CDC42BPA: variants seen among roughly 807,000 people sequenced by gnomAD.
CDC42BPA encodes the protein serine/threonine-protein kinase MRCK alpha.
A neutral mutation model predicts 223.5 loss-of-function variants in CDC42BPA; 80 were observed. The ratio of observed to expected loss-of-function variants is 0.36; its 90% CI spans 0.30 to 0.43. The LOEUF is 0.43. Ranked by LOEUF, CDC42BPA falls within the 20% of genes least tolerant of loss-of-function variation. The pLI, the probability that CDC42BPA is intolerant of heterozygous loss-of-function variation, is 1.00. For synonymous variants in CDC42BPA, 694 were observed against 718.6 expected (o/e 0.97, Z 0.55); for missense variants, 1,743 against 2,099.9 (o/e 0.83, Z 3.32).
In CDC42BPA at chr1:226,991,105, T is replaced by C. The variant is rs1277985962; in HGVS notation, c.*3163A>G. On this transcript the variant is annotated 3_prime_UTR_variant, in exon 37 of 37. Coordinates refer to ENST00000366766, the MANE Select transcript of CDC42BPA (RefSeq NM_001394014.1). ...TTGGCAAAAAGAATATATATGTATG[T>C]AATTTTAAATACCCAAAGCACAAAC... 1 of 152,626 alleles carries C rather than the reference T, an allele frequency of 6.6e-6. No homozygotes were observed. The highest frequency in any genetic ancestry group is 1.5e-5 in the Non-Finnish European group (1 of 68,036). 9.5% of individuals were successfully genotyped at this position (152,626 alleles called of 1,614,324 possible).
chr1:227,125,883 TTTAAA>T (rs1391813480), intron 11 of CDC42BPA, among the ~76,000 whole-genome samples: 1 of 152,178 alleles, frequency 6.6e-6, no homozygotes, highest in Non-Finnish European at 1.5e-5. Flanking sequence ...TTAATTTTAC[TTTAAA>T]ATAAATCATA....
chr1:227,080,304 AT>A (rs34693993), intron 17 of CDC42BPA, among the ~76,000 whole-genome samples: 7 of 152,210 alleles, frequency 4.6e-5, no homozygotes, highest in Admixed American at 2.6e-4. Flanking sequence ...AAAATATGAA[AT>A]TTTTTTACCA....
chr1:227,313,443 C>T (rs1472947660), intron 1 of CDC42BPA, among the ~76,000 whole-genome samples: 1 of 152,132 alleles, frequency 6.6e-6, no homozygotes, highest in Non-Finnish European at 1.5e-5. Flanking sequence ...ATTGAACACA[C>T]TTCTACCATG....
chr1:227,310,847 C>T (rs1042196869), intron 1 of CDC42BPA, among the ~76,000 whole-genome samples: 21 of 136,810 alleles, frequency 1.5e-4, no homozygotes, highest in African/African-American at 1.4e-4. Flanking sequence ...TCACCGCGCC[C>T]GGCTAATTTT....
At position 227,048,146 on chromosome 1, in the gene CDC42BPA, A is replaced by G. The variant is rs377617549; in HGVS notation, c.3010-136T>C. ...GTTCTACTAATTAATAATAAAGAAA[A>G]CCTCAATAAAGCTAAAATTCTCATA... On this transcript the variant is annotated intron_variant, in intron 22 of 36. Transcript: ENST00000366766. 522 of 472,686 alleles carry G rather than the reference A, an allele frequency of 1.1e-3. 9 individuals are homozygous for G. In the South Asian group the frequency reaches 0.021, roughly 19 times the overall value. 29.3% of individuals were successfully genotyped at this position (472,686 alleles called of 1,614,324 possible).
chr1:227,009,734 T>C (rs1001292317), intron 34 of CDC42BPA, among the ~76,000 whole-genome samples: 3 of 152,150 alleles, frequency 2.0e-5, no homozygotes, highest in African/African-American at 7.2e-5. Context: ...CTGATTAACA[T>C]ATACAAAATT....
intron 16 of CDC42BPA, among the ~76,000 whole-genome samples, chr1:227,081,598 G>C (rs1367000488): frequency 1.3e-5 from 2 of 151,646 alleles, no homozygotes; most frequent in East Asian, 3.9e-4. Flanking sequence ...GATTACAGAT[G>C]TGCGCCATCA....
intron 12 of CDC42BPA, among the ~76,000 whole-genome samples, chr1:227,114,336 T>C (rs1687436921): frequency 1.3e-5 from 2 of 151,276 alleles, no homozygotes; most frequent in South Asian, 4.2e-4. Flanking sequence ...TATGAGAAGA[T>C]AATTAAAATT....
At chr1:227,025,063 T>G (rs1668014509) in intron 31 of CDC42BPA, among the ~76,000 whole-genome samples, 1 of 152,104 alleles carries the variant, frequency 6.6e-6, no homozygotes, top group Non-Finnish European at 1.5e-5. Context: ...GCCAACATGG[T>G]GAAACCCTGT....
At chr1:227,035,331 C>T in intron 25 of CDC42BPA, 140 bp downstream of exon 25, 1 of 629,334 alleles carries the variant, frequency 1.6e-6, no homozygotes, top group Non-Finnish European at 2.6e-6. Flanking sequence ...AATCATTATT[C>T]TAGATGAAAT....
chr1:227,220,323 C>T (rs1572445699), intron 2 of CDC42BPA, among the ~76,000 whole-genome samples: 2 of 133,400 alleles, frequency 1.5e-5, no homozygotes, highest in Non-Finnish European at 3.2e-5. Flanking sequence ...CACACACACA[C>T]ACACATACAT....
chr1:227,318,153 C>CAGGG lies in CDC42BPA; in HGVS notation c.-972_-971insCCCT, dbSNP rs1553449062. 1.2e-5 allele frequency: 2 copies of CAGGG among 166,232 alleles called. No individual in the cohort carries two copies. Among genetic ancestry groups the CAGGG allele is most frequent in the Admixed American group, 6.4e-5 (1 of 15,596 alleles). The allele number at this position is 166,232 out of a possible 1,614,324, so 10.3% of individuals were successfully genotyped here. ...CGCCGGAGGCTCCCGACGCCCCAGGCGGGGGGGTGCTTCTCTGAATTCAAA... is the reference window on the plus strand; with the variant it reads ...CGCCGGAGGCTCCCGACGCCCCAGGCAGGGGGGGGGGTGCTTCTCTGAATTCAAA... On this transcript the variant is annotated 5_prime_UTR_variant, in exon 1 of 37. Transcript: ENST00000366766.
chr1:227,268,821 G>A (rs997382175), intron 1 of CDC42BPA, among the ~76,000 whole-genome samples: 3 of 151,538 alleles, frequency 2.0e-5, no homozygotes, highest in African/African-American at 7.3e-5. Flanking sequence ...AAGTAGCTGC[G>A]ACTACAGGCA....
At chr1:227,009,366 G>A (rs187995780) in intron 34 of CDC42BPA, among the ~76,000 whole-genome samples, 1 of 152,208 alleles carries the variant, frequency 6.6e-6, no homozygotes, top group East Asian at 1.9e-4. Context: ...AGTTATAGAT[G>A]ACTAACTAAA....
chr1:227,248,383 A>T (rs1403867060), intron 2 of CDC42BPA, among the ~76,000 whole-genome samples: 1 of 151,954 alleles, frequency 6.6e-6, no homozygotes, highest in Non-Finnish European at 1.5e-5. Flanking sequence ...ACACAAAAAA[A>T]CTTATTCAAA....
chr1:227,275,409 A>T (rs1686761268), intron 1 of CDC42BPA, among the ~76,000 whole-genome samples: 1 of 148,704 alleles, frequency 6.7e-6, no homozygotes. Context: ...GATGGAAAAG[A>T]GAAAAGTAAA....
At chr1:227,194,034 C>T (rs1044609194) in intron 4 of CDC42BPA, 100 bp from the exon 5 acceptor site, 1 of 653,030 alleles carries the variant, frequency 1.5e-6, no homozygotes, top group Non-Finnish European at 2.5e-6. Context: ...AATATTTATG[C>T]AGTTAATTAC....
chr1:227,026,593 T>C (rs959154559), intron 30 of CDC42BPA, among the ~76,000 whole-genome samples: 23 of 152,220 alleles, frequency 1.5e-4, no homozygotes, highest in Admixed American at 1.1e-3. Context: ...ATAGGGTAGA[T>C]GCTCAATATA....
chr1:227,138,599 G>A (rs1659101300), intron 10 of CDC42BPA, among the ~76,000 whole-genome samples: 1 of 151,698 alleles, frequency 6.6e-6, no homozygotes, highest in African/African-American at 2.4e-5. Flanking sequence ...AGGTTAAAAG[G>A]TGAAGACAGA....
Sources: allele counts gnomAD v4.1 joint callset (sites outside exome capture counted in the v4.1 genomes callset), GRCh38; gene constraint gnomAD v4.1.1; transcripts MANE v1.5; gene names NCBI Gene and HGNC (gene_info 2026-07-23, HGNC 2026-07-21).